ANGPT1: variants seen among roughly 807,000 people sequenced by gnomAD.
ANGPT1 encodes the protein angiopoietin-1.
ANGPT1 carries 17 observed loss-of-function variants against 62.2 expected under a neutral mutation model. The ratio of observed to expected loss-of-function variants is 0.27; its 90% CI spans 0.19 to 0.41. The LOEUF (loss-of-function observed/expected upper bound fraction) is 0.41. Ranked by LOEUF, ANGPT1 falls within the 10% of genes least tolerant of loss-of-function variation. The probability of loss-of-function intolerance (pLI) is 1.00; values close to 1 mark genes in which losing one functional copy is unlikely to be tolerated. For missense variants in ANGPT1, 478 were observed against 594.9 expected (o/e 0.80, Z 2.04); for synonymous variants, 199 against 198.9 (o/e 1.00, Z 0.00).
chr8:107,291,437 G>A (rs1814269973), intron 6 of ANGPT1, among the ~76,000 whole-genome samples: 1 of 146,842 alleles, frequency 6.8e-6, no homozygotes, highest in Non-Finnish European at 1.5e-5. Context: ...TTTTTAGACA[G>A]AGTCTTTCTC....
At chr8:107,372,898 A>G (rs1205350727) in intron 1 of ANGPT1, among the ~76,000 whole-genome samples, 1 of 151,848 alleles carries the variant, frequency 6.6e-6, no homozygotes, top group Non-Finnish European at 1.5e-5. Flanking sequence ...ACCTAAAGGT[A>G]AGGCTCAATT....
At chr8:107,284,938 A>T in intron 6 of ANGPT1, 90 bp from the exon 7 acceptor site, 3 of 1,050,466 alleles carry the variant, frequency 2.9e-6, no homozygotes, top group Non-Finnish European at 3.8e-6. Context: ...AATAATTAAA[A>T]ATTATTAAAA....
intron 1 of ANGPT1, among the ~76,000 whole-genome samples, chr8:107,431,728 C>T (rs1240611902): frequency 3.5e-5 from 3 of 86,890 alleles, no homozygotes; most frequent in African/African-American, 1.5e-4. Context: ...AGGGAAACTA[C>T]TCTGTCTTTT....
At chr8:107,311,325 A>T (rs930685748) in intron 4 of ANGPT1, among the ~76,000 whole-genome samples, 4 of 152,090 alleles carry the variant, frequency 2.6e-5, no homozygotes, top group Non-Finnish European at 5.9e-5. Flanking sequence ...ATAATAACGG[A>T]TTAAATTATT....
At chr8:107,361,774 G>T (rs1816171576) in intron 1 of ANGPT1, among the ~76,000 whole-genome samples, 1 of 151,912 alleles carries the variant, frequency 6.6e-6, no homozygotes, top group Admixed American at 6.6e-5. Flanking sequence ...TGTCAGCAAA[G>T]ACAGGCTGGC....
chr8:107,394,031 A>G (rs1410362546), intron 1 of ANGPT1, among the ~76,000 whole-genome samples: 2 of 152,152 alleles, frequency 1.3e-5, no homozygotes, highest in African/African-American at 4.8e-5. Flanking sequence ...AGATTTTTAG[A>G]GCCCATTCAT....
chr8:107,263,646 G>A (rs1463518407), intron 8 of ANGPT1, among the ~76,000 whole-genome samples: 1 of 152,032 alleles, frequency 6.6e-6, no homozygotes, highest in Admixed American at 6.6e-5. Context: ...TATTTAAAAT[G>A]TACAAAAGGA....
chr8:107,290,167 AATG>A (rs1814239130), intron 6 of ANGPT1, among the ~76,000 whole-genome samples: 1 of 152,140 alleles, frequency 6.6e-6, no homozygotes. Context: ...GTTTAAAAAT[AATG>A]ATAATATATA....
intron 1 of ANGPT1, among the ~76,000 whole-genome samples, chr8:107,360,716 C>T (rs2514852): frequency 6.6e-5 from 10 of 151,984 alleles, no homozygotes; most frequent in East Asian, 1.9e-4. Flanking sequence ...CATCATTAAG[C>T]GGGAAATGAA....
At chr8:107,306,751 A>G (rs2052146157) in intron 4 of ANGPT1, among the ~76,000 whole-genome samples, 1 of 152,092 alleles carries the variant, frequency 6.6e-6, no homozygotes, top group South Asian at 2.1e-4. Context: ...GATAGATACA[A>G]TAGACTTGAT....
chr8:107,327,288 G>A (rs1012428330), intron 3 of ANGPT1, among the ~76,000 whole-genome samples: 3 of 151,414 alleles, frequency 2.0e-5, no homozygotes, highest in Non-Finnish European at 4.4e-5. Flanking sequence ...TACTATTTTC[G>A]TTATCCAGGT....
intron 1 of ANGPT1, among the ~76,000 whole-genome samples, chr8:107,486,844 AGT>A (rs931469427): frequency 6.6e-6 from 1 of 152,168 alleles, no homozygotes; most frequent in African/African-American, 2.4e-5. Context: ...CTTGCTTTTA[AGT>A]CTGTTTCAGT....
chr8:107,333,996 G>GGGAAGGAAGGAAAGGAAGGAAGGAA (rs1815494754), intron 3 of ANGPT1, among the ~76,000 whole-genome samples: 1 of 70,478 alleles, frequency 1.4e-5, no homozygotes, highest in African/African-American at 5.3e-5. Context: ...GAGGGAGGGA[G>GGGAAGGAAGGAAAGGAAGGAAGGAA]GGAAGGAAGG....
chr8:107,290,752 G>A (rs1046100344), intron 6 of ANGPT1, among the ~76,000 whole-genome samples: 11 of 152,122 alleles, frequency 7.2e-5, no homozygotes, highest in African/African-American at 2.7e-4. Context: ...AATAAAGCAT[G>A]ATAGCCTTTC....
chr8:107,279,620 T>C (rs1429852488), intron 7 of ANGPT1, among the ~76,000 whole-genome samples: 1 of 152,166 alleles, frequency 6.6e-6, no homozygotes, highest in Admixed American at 6.5e-5. Context: ...TGGTGTATAG[T>C]ATGTGTGCCT....
At position 107,462,353 on chromosome 8, in the gene ANGPT1, C is replaced by T. The variant is rs1286217941; in HGVS notation, c.297+34909G>A. ...GGTAGCACGAACATAATTCAAGCCT[C>T]TTGTGAAGGAGTCAATATGAACTAG... On this transcript the variant is annotated intron_variant, in intron 1 of 8. Coordinates refer to ENST00000517746, the MANE Select transcript of ANGPT1 (RefSeq NM_001146.5). Among the ~76,000 whole-genome samples the T allele has an allele frequency of 4.6e-5, 7 of 150,672 alleles. No homozygotes were observed. The South Asian group carries it at 1.3e-3, about 27-fold the overall frequency.
intron 2 of ANGPT1, among the ~76,000 whole-genome samples, chr8:107,341,792 G>A (rs1815701351): frequency 6.6e-6 from 1 of 151,928 alleles, no homozygotes; most frequent in African/African-American, 2.4e-5. Flanking sequence ...GCTCAGTAGA[G>A]TCAGAATGCA....
At chr8:107,283,190 A>C (rs756246301) in intron 7 of ANGPT1, among the ~76,000 whole-genome samples, 1 of 152,226 alleles carries the variant, frequency 6.6e-6, no homozygotes, top group African/African-American at 2.4e-5. Context: ...AAACATTTAC[A>C]TAAGAGTATC....
Position 107,350,551 on chromosome 8 carries a change from C to G in ANGPT1, c.298-3454G>C, listed in dbSNP as rs188287915. Among the ~76,000 whole-genome samples, 69 of 152,146 alleles carry G rather than the reference C, an allele frequency of 4.5e-4. No homozygotes were observed. In the East Asian group the frequency reaches 0.01, roughly 23 times the overall value. ...ATTATAAAAGTTAACACCAGCAAAG[C>G]AAAATAACTATTTCATGCTAGCATT... On this transcript the variant is annotated intron_variant, in intron 1 of 8. Coordinates refer to ENST00000517746, the MANE Select transcript of ANGPT1 (RefSeq NM_001146.5).
Sources: gnomAD v4.1 joint callset for allele counts (sites outside exome capture counted in the v4.1 genomes callset) on GRCh38, gnomAD v4.1.1 for gene constraint, MANE v1.5 for transcripts, NCBI Gene and HGNC (gene_info 2026-07-23, HGNC 2026-07-21) for gene names.